Variants in GRM1 observed in about 807,000 individuals in gnomAD.
GRM1 encodes the protein metabotropic glutamate receptor 1.
GRM1 carries 33 observed loss-of-function variants against 90.9 expected under a neutral mutation model. The observed-to-expected ratio is 0.36, with a 90% CI of 0.28 to 0.49. The LOEUF is 0.49. Ranked by LOEUF, GRM1 falls within the 20% of genes least tolerant of loss-of-function variation. The probability of loss-of-function intolerance (pLI) is 0.99; values close to 1 mark genes in which losing one functional copy is unlikely to be tolerated. For missense variants in GRM1, 1,190 were observed against 1,534.3 expected (o/e 0.78, Z 3.75); for synonymous variants, 700 against 613.2 (o/e 1.14, Z -2.09).
chr6:146,412,013 C>T (rs1440838767), intron 7 of GRM1, among the ~76,000 whole-genome samples: 2 of 152,066 alleles, frequency 1.3e-5, no homozygotes, highest in Admixed American at 6.6e-5. Flanking sequence ...TTAAGATGAA[C>T]CTAACTGTCT....
intron 7 of GRM1, among the ~76,000 whole-genome samples, chr6:146,423,577 C>T (rs139497358): frequency 2.8e-3 from 420 of 151,962 alleles, no homozygotes; most frequent in Admixed American, 5.7e-3. Flanking sequence ...TCAAAGGAAC[C>T]GCAGAACTGT....
At chr6:146,133,170 T>G (rs1206038874) in intron 1 of GRM1, among the ~76,000 whole-genome samples, 1 of 152,210 alleles carries the variant, frequency 6.6e-6, no homozygotes, top group African/African-American at 2.4e-5. Context: ...GGTTCATTAA[T>G]TTAAAGCTTT....
chr6:146,109,429 G>A (rs1040255722), intron 1 of GRM1, among the ~76,000 whole-genome samples: 4 of 152,196 alleles, frequency 2.6e-5, no homozygotes, highest in African/African-American at 9.7e-5. Flanking sequence ...TTGAGCCTGC[G>A]AGTGCACAGA....
intron 1 of GRM1, among the ~76,000 whole-genome samples, chr6:146,043,796 T>TCTATATATATATATAG (rs1554260533): frequency 2.2e-5 from 3 of 137,940 alleles, no homozygotes; most frequent in Non-Finnish European, 4.7e-5. Flanking sequence ...TATATATATA[T>TCTATATATATATATAG]ATATATATAT....
chr6:146,371,389 C>T (rs1279515321), intron 5 of GRM1, among the ~76,000 whole-genome samples: 2 of 151,978 alleles, frequency 1.3e-5, no homozygotes, highest in Non-Finnish European at 2.9e-5. Context: ...GATGTTTTGA[C>T]ACAGGCATAC....
chr6:146,069,293 C>T (rs561861900), intron 1 of GRM1, among the ~76,000 whole-genome samples: 1 of 152,098 alleles, frequency 6.6e-6, no homozygotes, highest in Non-Finnish European at 1.5e-5. Context: ...TATTCAATAT[C>T]TTTCATCAGT....
intron 2 of GRM1, among the ~76,000 whole-genome samples, chr6:146,241,133 A>G (rs1449623181): frequency 6.6e-6 from 1 of 152,138 alleles, no homozygotes; most frequent in Non-Finnish European, 1.5e-5. Flanking sequence ...AGAAATGAGA[A>G]GAACACCTGT....
intron 1 of GRM1, among the ~76,000 whole-genome samples, chr6:146,128,415 G>T (rs1300623081): frequency 1.3e-5 from 2 of 152,108 alleles, no homozygotes; most frequent in African/African-American, 4.8e-5. Context: ...AACACTCTGA[G>T]GTAGGTACTG....
At chr6:146,254,634 A>G (rs554976335) in intron 2 of GRM1, among the ~76,000 whole-genome samples, 2 of 152,068 alleles carry the variant, frequency 1.3e-5, no homozygotes, top group Non-Finnish European at 2.9e-5. Context: ...TTCTTACCAT[A>G]TATGTTGCTC....
At chr6:146,322,093 C>T (rs1784209401) in intron 3 of GRM1, among the ~76,000 whole-genome samples, 2 of 152,004 alleles carry the variant, frequency 1.3e-5, no homozygotes, top group African/African-American at 4.8e-5. Context: ...TGTGGATGTT[C>T]GTTTTGTTGA....
intron 3 of GRM1, among the ~76,000 whole-genome samples, chr6:146,311,121 A>G (rs1324231920): frequency 6.6e-6 from 1 of 152,192 alleles, no homozygotes; most frequent in African/African-American, 2.4e-5. Context: ...GAATGGTGCA[A>G]TATTGCACCC....
chr6:146,342,088 T>A (rs1374689734), intron 3 of GRM1, among the ~76,000 whole-genome samples: 3 of 152,288 alleles, frequency 2.0e-5, no homozygotes, highest in Middle Eastern at 3.4e-3. Flanking sequence ...AGACAAAACC[T>A]TAGGGAATCA....
intron 1 of GRM1, among the ~76,000 whole-genome samples, chr6:146,130,594 T>C (rs967889321): frequency 3.9e-5 from 6 of 152,164 alleles, no homozygotes; most frequent in African/African-American, 7.2e-5. Context: ...CCGTTTACTA[T>C]ATTTTATTAA....
chr6:146,117,686 A>G (rs2128876065), intron 1 of GRM1, among the ~76,000 whole-genome samples: 1 of 152,204 alleles, frequency 6.6e-6, no homozygotes, highest in South Asian at 2.1e-4. Context: ...CTGCTAATGT[A>G]TATATTTGTA....
In GRM1 at chr6:146,146,209, C is replaced by A. The variant is rs1777097422; in HGVS notation, c.701-13139C>A. On this transcript the variant is annotated intron_variant, in intron 1 of 7. Coordinates refer to ENST00000282753, the MANE Select transcript of GRM1 (RefSeq NM_001278064.2). ...GTTCACGTCATTCTCCTGCCTCAGCCTCCCTAGTAGCTGGGACTACAGGCA... is the reference window on the plus strand; with the variant it reads ...GTTCACGTCATTCTCCTGCCTCAGCATCCCTAGTAGCTGGGACTACAGGCA... Among the ~76,000 whole-genome samples the A allele has an allele frequency of 3.6e-5, 5 of 140,312 alleles. No homozygotes were observed. In the Admixed American group the frequency reaches 3.9e-4, roughly 11 times the overall value. The allele number at this position is 140,312 out of a possible 152,430, so 92.1% of individuals were successfully genotyped here. A position where few individuals can be genotyped will look rare whatever the true frequency, so the allele number is the denominator to read the frequency against.
chr6:146,200,230 G>A (rs543184730), intron 2 of GRM1, among the ~76,000 whole-genome samples: 26 of 152,218 alleles, frequency 1.7e-4, no homozygotes, highest in African/African-American at 5.8e-4. Flanking sequence ...TGTTTGTGCC[G>A]TTCACTGCAG....
chr6:146,037,782 A>T (rs1016002921), intron 1 of GRM1, among the ~76,000 whole-genome samples: 1 of 152,004 alleles, frequency 6.6e-6, no homozygotes, highest in Non-Finnish European at 1.5e-5. Flanking sequence ...ACAATCTGGT[A>T]CCCTGGCCTT....
chr6:146,139,699 A>G (rs1583058576), intron 1 of GRM1, among the ~76,000 whole-genome samples: 1 of 152,100 alleles, frequency 6.6e-6, no homozygotes, highest in South Asian at 2.1e-4. Context: ...GTGTGTCTTT[A>G]TGGGTGAAGT....
At chr6:146,398,187 AT>A (rs1488989684) in intron 6 of GRM1, among the ~76,000 whole-genome samples, 1 of 152,176 alleles carries the variant, frequency 6.6e-6, no homozygotes, top group East Asian at 1.9e-4. Flanking sequence ...CAGATCATTC[AT>A]GATTCATGAG....
Sources: allele counts gnomAD v4.1 joint callset (sites outside exome capture counted in the v4.1 genomes callset), GRCh38; gene constraint gnomAD v4.1.1; transcripts MANE v1.5; gene names NCBI Gene and HGNC (gene_info 2026-07-23, HGNC 2026-07-21).